MTSS1: variants seen among roughly 807,000 people sequenced by gnomAD.
The protein encoded by MTSS1 is protein MTSS 1.
In MTSS1, 18 loss-of-function variants were observed where a neutral mutation model predicts 79.0. The ratio of observed to expected loss-of-function variants is 0.23; its 90% CI spans 0.16 to 0.34. The LOEUF is 0.34. Among genes scored for constraint, MTSS1 ranks in the 10% least tolerant of loss-of-function variants. The pLI is 1.00. For synonymous variants in MTSS1, 341 were observed against 368.6 expected, an observed-to-expected ratio of 0.93 and a Z score of 0.86; for missense variants, 815 against 986.2, an observed-to-expected ratio of 0.83 and a Z score of 2.33.
At position 124,726,051 on chromosome 8, in the gene MTSS1, C is replaced by T. The variant is rs184793828; in HGVS notation, c.72+1833G>A. 3.1e-3 allele frequency among the ~76,000 whole-genome samples: 473 copies of T among 152,214 alleles called. 3 individuals are homozygous for T. The highest frequency in any genetic ancestry group is 5.2e-3 in the Non-Finnish European group (351 of 68,006). ...CTGAACAAACCTACTAAACTCAAAC[C>T]GAAAGAAGTCAGGATACACAAACTC... On this transcript the variant is annotated intron_variant, in intron 1 of 13. Transcript: ENST00000518547.
intron 3 of MTSS1, among the ~76,000 whole-genome samples, chr8:124,601,000 C>A (rs143766277): frequency 1.5e-3 from 230 of 152,066 alleles, no homozygotes; most frequent in African/African-American, 5.3e-3. Flanking sequence ...AACAGGAAGG[C>A]CGTTGCCCTT....
chr8:124,553,061 G>A lies in MTSS1; in HGVS notation c.2199C>T (p.Asn733=), dbSNP rs146404944. The change falls in exon 14 of 14, where the codon AAC becomes AAT. Residue 733 remains asparagine, a synonymous_variant. Coordinates refer to ENST00000518547, the MANE Select transcript of MTSS1 (RefSeq NM_014751.6). This position sits in a 1 kb window ranked among gnomAD's most constrained non-coding sequence, Gnocchi z 6.0. ...RDTPQGEDML[N]AIRRGVKLKK... is the part of the protein sequence containing the mutation. ...TCAGTTTCACGCCCCTTCGGATGGC[G>A]TTCAGCATGTCTTCTCCTTGTGGAG... 685 of 1,614,138 alleles carry A rather than the reference G, an allele frequency of 4.2e-4. 2 individuals are homozygous for A. In the African/African-American group the frequency reaches 7.8e-3, roughly 18 times the overall value.
At chr8:124,595,292 G>A (rs894461346) in intron 3 of MTSS1, among the ~76,000 whole-genome samples, 1 of 152,196 alleles carries the variant, frequency 6.6e-6, no homozygotes, top group Non-Finnish European at 1.5e-5. Flanking sequence ...CACGAGCTTA[G>A]TGGCTTAAAA....
At chr8:124,699,338 T>G in intron 3 of MTSS1, 188 bp downstream of exon 3, 1 of 583,420 alleles carries the variant, frequency 1.7e-6, no homozygotes, top group Non-Finnish European at 3.0e-6. Context: ...TCTTCACATG[T>G]GCTTTATTAT....
At chr8:124,558,746 G>T (rs1325209739) in intron 10 of MTSS1, 4 of 1,580,742 alleles carry the variant, frequency 2.5e-6, no homozygotes, top group South Asian at 1.1e-5. Flanking sequence ...CCATGGTGGA[G>T]CCCGAGCTGA....
At chr8:124,568,891 G>A in intron 6 of MTSS1, 2 of 1,395,140 alleles carry the variant, frequency 1.4e-6, no homozygotes, top group East Asian at 2.6e-5. Context: ...ACATTCTGAA[G>A]AGGCTAAGAG....
intron 3 of MTSS1, among the ~76,000 whole-genome samples, chr8:124,638,860 C>A (rs1459010232): frequency 1.9e-4 from 29 of 152,144 alleles, no homozygotes; most frequent in Admixed American, 1.9e-3. Flanking sequence ...ATGTTACAAG[C>A]AAACAAATAT....
At chr8:124,567,232 G>A (rs970844365) in intron 7 of MTSS1, 54 bp from the exon 8 acceptor site, 96 of 1,379,518 alleles carry the variant, frequency 7.0e-5, no homozygotes, top group Middle Eastern at 3.7e-4. Context: ...TCCCTTCATC[G>A]CTCTAGTCCA....
chr8:124,648,243 C>T (rs904887349), intron 3 of MTSS1, among the ~76,000 whole-genome samples: 26 of 151,974 alleles, frequency 1.7e-4, no homozygotes, highest in Admixed American at 1.2e-3. Context: ...ATGAGTGATC[C>T]GGTGAAAGGG....
At chr8:124,699,251 C>G in intron 3 of MTSS1, 1 of 398,766 alleles carries the variant, frequency 2.5e-6, no homozygotes, top group Non-Finnish European at 4.5e-6. Context: ...ACAACCAGCA[C>G]GTCATTAAAG....
intron 3 of MTSS1, among the ~76,000 whole-genome samples, chr8:124,663,664 T>C (rs1822514703): frequency 6.6e-6 from 1 of 152,154 alleles, no homozygotes; most frequent in Non-Finnish European, 1.5e-5. Context: ...AGAAAAGCCA[T>C]CCTCCTCCCA....
chr8:124,727,675 C>A lies in MTSS1; in HGVS notation c.72+209G>T. On this transcript the variant is annotated intron_variant, in intron 1 of 13. Transcript: ENST00000518547. This position sits in a 1 kb window ranked among gnomAD's most constrained non-coding sequence, Gnocchi z 4.7. ...GGAGATGGCGTGGGACAGCAGACAC[C>A]CCCCAGAGAAGCCACCCGCCCAGTG... 1.5e-6 allele frequency: 1 copy of A among 668,940 alleles called. No homozygotes were observed. Among genetic ancestry groups the A allele is most frequent in the Non-Finnish European group, 2.7e-6 (1 of 364,176 alleles). 41.4% of individuals were successfully genotyped at this position (668,940 alleles called of 1,614,324 possible). A position where few individuals can be genotyped will look rare whatever the true frequency, so the allele number is the denominator to read the frequency against.
intron 1 of MTSS1, among the ~76,000 whole-genome samples, chr8:124,712,695 C>T (rs1233502078): frequency 1.3e-5 from 2 of 152,158 alleles, no homozygotes; most frequent in Non-Finnish European, 1.5e-5. Context: ...GTCCATCAAG[C>T]GGATGACAGC....
At chr8:124,703,622 G>A (rs571533809) in intron 2 of MTSS1, among the ~76,000 whole-genome samples, 1 of 152,272 alleles carries the variant, frequency 6.6e-6, no homozygotes, top group South Asian at 2.1e-4. Flanking sequence ...TTTGTGGAGA[G>A]GCAGTAAGCA....
intron 7 of MTSS1, chr8:124,568,027 C>A: frequency 8.5e-7 from 1 of 1,170,844 alleles, no homozygotes; most frequent in Non-Finnish European, 1.1e-6. Flanking sequence ...GACTGGGTCC[C>A]CACCCCCAGA....
chr8:124,565,545 C>T lies in MTSS1; in HGVS notation c.824+117G>A, dbSNP rs73341805. The T allele has an allele frequency of 2.4e-3, 1,963 of 819,706 alleles. 10 individuals carry two copies. The highest frequency in any genetic ancestry group is 0.018 in the African/African-American group (1,027 of 58,020). The allele number at this position is 819,706 out of a possible 1,614,324, so 50.8% of individuals were successfully genotyped here. A position where few individuals can be genotyped will look rare whatever the true frequency, so the allele number is the denominator to read the frequency against. On this transcript the variant is annotated intron_variant, in intron 9 of 13. Coordinates refer to ENST00000518547, the MANE Select transcript of MTSS1 (RefSeq NM_014751.6). Reference sequence around the variant, plus strand: ...ATTACCATTCTTTCAGCTCATCATCCCATTTCCTGTTTGAGAATGAGCCAT... The same window carrying T: ...ATTACCATTCTTTCAGCTCATCATCTCATTTCCTGTTTGAGAATGAGCCAT...
rs1371270602 is a variant in MTSS1, at chr8:124,632,564, G to A, written c.209-41329C>T. Among the ~76,000 whole-genome samples the A allele has an allele frequency of 2.0e-5, 3 of 152,176 alleles. No homozygotes were observed. The East Asian group carries it at 5.8e-4, about 29-fold the overall frequency. Reference sequence around the variant, plus strand: ...ACCTGGAAATTTCTCCAGCCAAAGGGTTGTTGTCATCTCAGGCATCAATGG... The same window carrying A: ...ACCTGGAAATTTCTCCAGCCAAAGGATTGTTGTCATCTCAGGCATCAATGG... On this transcript the variant is annotated intron_variant, in intron 3 of 13. Coordinates refer to ENST00000518547, the MANE Select transcript of MTSS1 (RefSeq NM_014751.6).
intron 3 of MTSS1, among the ~76,000 whole-genome samples, chr8:124,631,587 G>A (rs1201348224): frequency 6.6e-6 from 1 of 152,130 alleles, no homozygotes; most frequent in Non-Finnish European, 1.5e-5. Flanking sequence ...CTCATCCTGA[G>A]TCTGAGCATC....
chr8:124,626,716 T>C (rs1814745993), intron 3 of MTSS1, among the ~76,000 whole-genome samples: 1 of 151,916 alleles, frequency 6.6e-6, no homozygotes. Context: ...TAGAAATGAT[T>C]ACGGTGCAGT....
Sources: allele counts gnomAD v4.1 joint callset (sites outside exome capture counted in the v4.1 genomes callset), GRCh38; gene constraint gnomAD v4.1.1; non-coding constraint Gnocchi (gnomAD v3.1); transcripts MANE v1.5; gene names NCBI Gene and HGNC (gene_info 2026-07-23, HGNC 2026-07-21).